The following VAC14 variants were observed in gnomAD, a reference collection of about 807,000 sequenced individuals.
The protein encoded by VAC14 is VAC14 component of PIKFYVE complex.
Under a neutral mutation model 85.3 loss-of-function variants are expected in VAC14, and 47 were observed. That is an observed-to-expected ratio of 0.55 (90% CI 0.44 to 0.70). The LOEUF (loss-of-function observed/expected upper bound fraction) is 0.70, where lower values mean the gene tolerates loss of function less well. Ranked by LOEUF, VAC14 falls within the 30% of genes least tolerant of loss-of-function variation. VAC14 has a pLI of 0.00. For synonymous variants in VAC14, 447 were observed against 430.5 expected (o/e 1.04, Z -0.47); for missense variants, 861 against 1,004.3 (o/e 0.86, Z 1.93).
intron 15 of VAC14, 116 bp from the exon 16 acceptor site, chr16:70,697,373 G>C (rs1567521935): frequency 1.3e-6 from 1 of 766,426 alleles, no homozygotes; most frequent in Non-Finnish European, 2.1e-6. Context: ...TTCAGTCGGG[G>C]GCAGCCAGAG....
intron 14 of VAC14, chr16:70,716,838 A>G (rs2054177926): frequency 6.6e-6 from 1 of 152,290 alleles, no homozygotes; most frequent in Non-Finnish European, 1.5e-5. Context: ...GCTGGAGGCC[A>G]TACCTGGCCA....
intron 1 of VAC14, among the ~76,000 whole-genome samples, chr16:70,788,741 G>A (rs2034187913): frequency 6.6e-6 from 1 of 152,110 alleles, no homozygotes; most frequent in Non-Finnish European, 1.5e-5. Context: ...GCGGGCGGCC[G>A]GGCTTCGATT....
intron 14 of VAC14, among the ~76,000 whole-genome samples, chr16:70,724,978 C>T (rs1333070811): frequency 1.3e-5 from 2 of 152,234 alleles, no homozygotes; most frequent in African/African-American, 4.8e-5. Flanking sequence ...GCACATTTGC[C>T]ACAGCAATTT....
intron 14 of VAC14, among the ~76,000 whole-genome samples, chr16:70,730,135 T>C (rs944184142): frequency 4.0e-5 from 6 of 151,698 alleles, no homozygotes; most frequent in Non-Finnish European, 5.9e-5. Context: ...TACTTCCTAC[T>C]CAGTCTCGAA....
At chr16:70,761,336 G>A (rs1343634808) in intron 12 of VAC14, 1 of 251,876 alleles carries the variant, frequency 4.0e-6, no homozygotes, top group South Asian at 3.8e-5. Context: ...GTTGATTCAC[G>A]AGCTGGCTGC....
At chr16:70,696,042 G>T (rs1008520528) in intron 16 of VAC14, among the ~76,000 whole-genome samples, 3 of 152,236 alleles carry the variant, frequency 2.0e-5, no homozygotes, top group Admixed American at 6.5e-5. Context: ...TAGAAGGGAA[G>T]CAGGCACACT....
intron 1 of VAC14, among the ~76,000 whole-genome samples, chr16:70,787,021 C>T (rs2034095980): frequency 6.6e-6 from 1 of 152,170 alleles, no homozygotes; most frequent in Admixed American, 6.5e-5. Context: ...CGCAAGCTGA[C>T]ATGGCATATC....
intron 12 of VAC14, among the ~76,000 whole-genome samples, chr16:70,751,471 T>C (rs563751978): frequency 3.1e-4 from 47 of 152,354 alleles, no homozygotes; most frequent in African/African-American, 9.4e-4. Context: ...AGCTACTTCT[T>C]CTGAGGTGGA....
chr16:70,694,214 G>A (rs531071943), intron 17 of VAC14, among the ~76,000 whole-genome samples: 25 of 152,354 alleles, frequency 1.6e-4, no homozygotes, highest in East Asian at 5.8e-4. Flanking sequence ...GGGTCAGGGA[G>A]GGAGGGCAGT....
At chr16:70,738,927 G>C (rs894062949) in intron 13 of VAC14, among the ~76,000 whole-genome samples, 21 of 152,180 alleles carry the variant, frequency 1.4e-4, no homozygotes, top group African/African-American at 4.8e-4. Flanking sequence ...AGCCAGGAGG[G>C]AACAGATGTG....
chr16:70,704,383 G>A (rs1158871523), intron 14 of VAC14, among the ~76,000 whole-genome samples: 1 of 152,120 alleles, frequency 6.6e-6, no homozygotes, highest in Non-Finnish European at 1.5e-5. Context: ...TGGGGGCAGG[G>A]GCCACACACT....
chr16:70,745,419 C>T (rs965895629), intron 12 of VAC14, among the ~76,000 whole-genome samples: 4 of 152,104 alleles, frequency 2.6e-5, no homozygotes, highest in African/African-American at 4.8e-5. Flanking sequence ...GTCCAGCCTA[C>T]CACTCTGCTG....
chr16:70,742,244 C>T (rs1257892575), intron 13 of VAC14, among the ~76,000 whole-genome samples: 1 of 152,178 alleles, frequency 6.6e-6, no homozygotes, highest in Non-Finnish European at 1.5e-5. Flanking sequence ...GGTGCACCCC[C>T]AGGGACCCTT....
At chr16:70,693,396 C>T (rs545693259) in intron 17 of VAC14, among the ~76,000 whole-genome samples, 8 of 152,224 alleles carry the variant, frequency 5.3e-5, no homozygotes, top group Non-Finnish European at 1.2e-4. Context: ...TCCACACGTG[C>T]CAGCACGGGA....
At chr16:70,694,528 T>C (rs144003144) in intron 17 of VAC14, among the ~76,000 whole-genome samples, 28 of 152,250 alleles carry the variant, frequency 1.8e-4, no homozygotes, top group African/African-American at 5.8e-4. Context: ...GGAACGGGTG[T>C]TCTTCAGCCC....
intron 1 of VAC14, among the ~76,000 whole-genome samples, chr16:70,796,268 TGAG>T (rs913840492): frequency 3.3e-5 from 5 of 152,094 alleles, no homozygotes; most frequent in Admixed American, 1.3e-4. Flanking sequence ...GTCCTTCAGT[TGAG>T]GCAAGCATCC....
chr16:70,795,977 C>T (rs547328530), intron 1 of VAC14, among the ~76,000 whole-genome samples: 3 of 152,300 alleles, frequency 2.0e-5, no homozygotes, highest in Non-Finnish European at 2.9e-5. Flanking sequence ...ATTTCTCCCC[C>T]ACATTAGACT....
At chr16:70,785,667 C>A (rs769062752) in intron 3 of VAC14, 35 bp downstream of exon 3, 5 of 1,528,082 alleles carry the variant, frequency 3.3e-6, no homozygotes, top group Non-Finnish European at 4.4e-6. Flanking sequence ...GGGAACCAAG[C>A]GCAGCTCAGT....
At chr16:70,714,959 C>G (rs753113448) in intron 14 of VAC14, 1 of 152,398 alleles carries the variant, frequency 6.6e-6, no homozygotes, top group Non-Finnish European at 1.5e-5. Context: ...ACTGGAAGCT[C>G]TGTGAGCCAG....
Sources: gnomAD v4.1 joint callset for allele counts (sites outside exome capture counted in the v4.1 genomes callset) on GRCh38, gnomAD v4.1.1 for gene constraint, MANE v1.5 for transcripts, NCBI Gene and HGNC (gene_info 2026-07-23, HGNC 2026-07-21) for gene names.